The following TAFA1 variants were observed in gnomAD, a reference collection of about 807,000 sequenced individuals.
TAFA1 encodes the protein TAFA chemokine like family member 1, also known as chemokine-like protein TAFA-1.
Under a neutral mutation model 18.5 loss-of-function variants are expected in TAFA1, and 4 were observed. The ratio of observed to expected loss-of-function variants is 0.22; its 90% CI spans 0.11 to 0.49. The LOEUF (loss-of-function observed/expected upper bound fraction) is 0.49, where lower values mean the gene tolerates loss of function less well. TAFA1 is among the 20% of genes least tolerant of loss of function. The probability of loss-of-function intolerance (pLI) is 0.98; values close to 1 mark genes in which losing one functional copy is unlikely to be tolerated. For missense variants in TAFA1, 147 were observed against 169.0 expected (o/e 0.87, Z 0.72); for synonymous variants, 56 against 55.2 (o/e 1.01, Z -0.06).
At chr3:68,537,020 C>T (rs2073287924) in intron 3 of TAFA1, among the ~76,000 whole-genome samples, 1 of 152,116 alleles carries the variant, frequency 6.6e-6, no homozygotes, top group African/African-American at 2.4e-5. Context: ...TTCTTCAAGG[C>T]CCTAGGCTAG....
intron 2 of TAFA1, among the ~76,000 whole-genome samples, chr3:68,080,558 C>A (rs928649750): frequency 1.3e-5 from 2 of 151,978 alleles, no homozygotes; most frequent in Non-Finnish European, 2.9e-5. Flanking sequence ...TATTTTATTT[C>A]TCCTTTGCTT....
chr3:68,416,719 G>A (rs1000840943), intron 2 of TAFA1, among the ~76,000 whole-genome samples: 1 of 152,210 alleles, frequency 6.6e-6, no homozygotes, highest in Non-Finnish European at 1.5e-5. Flanking sequence ...ATTGTTTAAA[G>A]CACCTACCCA....
chr3:68,531,460 T>A (rs1436731205), intron 3 of TAFA1, among the ~76,000 whole-genome samples: 1 of 152,128 alleles, frequency 6.6e-6, no homozygotes. Context: ...GGCTTACTTC[T>A]GGGTGGTTGT....
intron 2 of TAFA1, among the ~76,000 whole-genome samples, chr3:68,385,608 C>T (rs1296899355): frequency 6.6e-6 from 1 of 151,996 alleles, no homozygotes; most frequent in East Asian, 1.9e-4. Flanking sequence ...CAATATGTGG[C>T]ATGTTGTAGG....
At chr3:68,515,398 G>C (rs981800472) in intron 3 of TAFA1, among the ~76,000 whole-genome samples, 3 of 152,182 alleles carry the variant, frequency 2.0e-5, no homozygotes, top group African/African-American at 7.2e-5. Context: ...GTTTCAGCCA[G>C]AAAGAGATGG....
intron 2 of TAFA1, among the ~76,000 whole-genome samples, chr3:68,218,604 C>A (rs1162481574): frequency 6.6e-6 from 1 of 152,132 alleles, no homozygotes; most frequent in Admixed American, 6.5e-5. Flanking sequence ...TAACTGCTAC[C>A]TTCAAATACT....
At chr3:68,189,234 G>A (rs1338183229) in intron 2 of TAFA1, among the ~76,000 whole-genome samples, 2 of 151,874 alleles carry the variant, frequency 1.3e-5, no homozygotes, top group African/African-American at 4.8e-5. Context: ...GCAATAACCA[G>A]CACTTTCCAT....
chr3:68,473,152 G>C (rs1163518430), intron 3 of TAFA1, among the ~76,000 whole-genome samples: 1 of 152,096 alleles, frequency 6.6e-6, no homozygotes, highest in Non-Finnish European at 1.5e-5. Flanking sequence ...AGGAATCTTC[G>C]GTAGCTCAGG....
At chr3:68,165,398 T>G (rs1362458538) in intron 2 of TAFA1, among the ~76,000 whole-genome samples, 1 of 152,236 alleles carries the variant, frequency 6.6e-6, no homozygotes, top group African/African-American at 2.4e-5. Flanking sequence ...CACTTTGGTT[T>G]TAATTTGTCT....
At chr3:68,452,117 T>G (rs2071575159) in intron 3 of TAFA1, among the ~76,000 whole-genome samples, 1 of 151,100 alleles carries the variant, frequency 6.6e-6, no homozygotes, top group Non-Finnish European at 1.5e-5. Flanking sequence ...TGGTGAAGAG[T>G]AAGGAAGGAA....
intron 2 of TAFA1, among the ~76,000 whole-genome samples, chr3:68,327,857 C>T (rs1253781559): frequency 6.6e-6 from 1 of 152,148 alleles, no homozygotes; most frequent in Admixed American, 6.5e-5. Flanking sequence ...CACTATTAGT[C>T]TCCATAATGA....
At position 68,140,298 on chromosome 3, in the gene TAFA1, A is replaced by C. The variant is rs536052558; in HGVS notation, c.118+133554A>C. Among the ~76,000 whole-genome samples, 424 of 152,318 alleles carry C rather than the reference A, an allele frequency of 2.8e-3. 3 individuals carry two copies. The highest frequency in any genetic ancestry group is 9.8e-3 in the African/African-American group (407 of 41,574). ...CTGCATATAAAGGTGATCTGCTCCC[A>C]AAACTCCGAAGGAAGGAGCTTGGGC... On this transcript the variant is annotated intron_variant, in intron 2 of 4. Transcript: ENST00000478136.
chr3:68,182,792 T>A (rs531868962), intron 2 of TAFA1, among the ~76,000 whole-genome samples: 1 of 152,334 alleles, frequency 6.6e-6, no homozygotes. Context: ...ACACATTTAT[T>A]AGCAATTTCA....
chr3:68,521,058 G>C (rs973199147), intron 3 of TAFA1, among the ~76,000 whole-genome samples: 4 of 152,172 alleles, frequency 2.6e-5, no homozygotes, highest in Non-Finnish European at 5.9e-5. Context: ...AGGAGGTATT[G>C]GTTTTTGACA....
At chr3:68,472,614 A>G (rs1167828512) in intron 3 of TAFA1, among the ~76,000 whole-genome samples, 3 of 152,168 alleles carry the variant, frequency 2.0e-5, no homozygotes, top group Non-Finnish European at 2.9e-5. Context: ...ATATATCTAT[A>G]TACTGGTTGT....
intron 3 of TAFA1, among the ~76,000 whole-genome samples, chr3:68,473,265 G>C (rs913253603): frequency 2.0e-5 from 3 of 152,116 alleles, no homozygotes; most frequent in Non-Finnish European, 4.4e-5. Flanking sequence ...GAATCTATGA[G>C]GAATAGGATT....
At chr3:68,298,048 C>T (rs567294284) in intron 2 of TAFA1, among the ~76,000 whole-genome samples, 2 of 152,254 alleles carry the variant, frequency 1.3e-5, no homozygotes, top group South Asian at 4.2e-4. Context: ...AAAATTGTTT[C>T]CTTGCACTTG....
At chr3:68,195,957 A>G (rs2066405106) in intron 2 of TAFA1, among the ~76,000 whole-genome samples, 2 of 151,860 alleles carry the variant, frequency 1.3e-5, no homozygotes, top group East Asian at 2.0e-4. Context: ...CTTATAATGT[A>G]CATATCTAAA....
the TAFA1 span, among the ~76,000 whole-genome samples, chr3:67,998,719 G>C: frequency 3.3e-4 from 50 of 152,348 alleles, no homozygotes; most frequent in South Asian, 8.3e-4. Flanking sequence ...ACCTGCCTTA[G>C]AATGAATAGA....
Sources: gnomAD v4.1 joint callset for allele counts (sites outside exome capture counted in the v4.1 genomes callset) on GRCh38, gnomAD v4.1.1 for gene constraint, MANE v1.5 for transcripts, NCBI Gene and HGNC (gene_info 2026-07-23, HGNC 2026-07-21) for gene names.